CXADR: variants seen among roughly 807,000 people sequenced by gnomAD.
CXADR encodes the protein coxsackievirus and adenovirus receptor.
A neutral mutation model predicts 40.3 loss-of-function variants in CXADR; 20 were observed. That is an observed-to-expected ratio of 0.50 (90% CI 0.35 to 0.72). The LOEUF (loss-of-function observed/expected upper bound fraction) is 0.72. Among genes scored for constraint, CXADR ranks in the 30% least tolerant of loss-of-function variants. The pLI, the probability that CXADR is intolerant of heterozygous loss-of-function variation, is 0.01. For missense variants in CXADR, 332 were observed against 449.1 expected, an observed-to-expected ratio of 0.74 and a Z score of 2.36; for synonymous variants, 150 against 161.3, an observed-to-expected ratio of 0.93 and a Z score of 0.53.
the CXADR span, among the ~76,000 whole-genome samples, chr21:17,610,154 G>A: frequency 6.6e-6 from 1 of 152,138 alleles, no homozygotes; most frequent in Non-Finnish European, 1.5e-5. Flanking sequence ...ACAGATTAGT[G>A]GCCTACGGGG....
the CXADR span, among the ~76,000 whole-genome samples, chr21:17,628,911 T>C: frequency 6.6e-6 from 1 of 152,328 alleles, no homozygotes; most frequent in African/African-American, 2.4e-5. Flanking sequence ...AGGAGTCATA[T>C]CCACAGCATG....
At position 17,513,054 on chromosome 21, in the gene CXADR, C is replaced by T; in HGVS notation, c.-76C>T. 2 of 1,287,050 alleles carry T rather than the reference C, an allele frequency of 1.6e-6. No homozygotes were observed. Among genetic ancestry groups the T allele is most frequent in the Non-Finnish European group, 2.0e-6 (2 of 1,003,698 alleles). The allele number at this position is 1,287,050 out of a possible 1,614,324, so 79.7% of individuals were successfully genotyped here. On this transcript the variant is annotated 5_prime_UTR_variant, in exon 1 of 7. Transcript: ENST00000284878. Reference sequence around the variant, plus strand: ...CGCCGCCGCGAGCCAGTCGGGAGCGCGCGAGGCGCGGGGAGCCTGGGACCA... The same window carrying T: ...CGCCGCCGCGAGCCAGTCGGGAGCGTGCGAGGCGCGGGGAGCCTGGGACCA...
chr21:17,593,160 C>T (rs1329552788), exon 8 of CXADR: 1 of 1,441,280 alleles, frequency 6.9e-7, no homozygotes, highest in Non-Finnish European at 9.2e-7. Context: ...AGTTCAAGTA[C>T]CCTTACAAGA....
intron 2 of CXADR, among the ~76,000 whole-genome samples, chr21:17,547,663 G>A (rs561640427): frequency 4.6e-5 from 7 of 152,154 alleles, no homozygotes; most frequent in Non-Finnish European, 1.0e-4. Context: ...ATTAGCTATG[G>A]TGTAACAACT....
At chr21:17,590,898 C>T (rs1211111245) in intron 7 of CXADR, among the ~76,000 whole-genome samples, 1 of 151,964 alleles carries the variant, frequency 6.6e-6, no homozygotes, top group Non-Finnish European at 1.5e-5. Context: ...ATTTCTATTT[C>T]CAGCAATAAA....
chr21:17,535,219 C>T (rs1185195553), intron 1 of CXADR, among the ~76,000 whole-genome samples: 2 of 152,128 alleles, frequency 1.3e-5, no homozygotes, highest in East Asian at 1.9e-4. Context: ...CCTCAGCTTC[C>T]CAGGCTCAAG....
chr21:17,598,312 T>G (rs1388314664), downstream of CXADR, among the ~76,000 whole-genome samples: 1 of 152,110 alleles, frequency 6.6e-6, no homozygotes, highest in Non-Finnish European at 1.5e-5. Context: ...AAAAAATAAG[T>G]GGTAACTTTT....
chr21:17,527,688 C>G (rs530634318), intron 1 of CXADR, among the ~76,000 whole-genome samples: 66 of 152,328 alleles, frequency 4.3e-4, no homozygotes, highest in African/African-American at 1.4e-3. Flanking sequence ...CATGCCTTAA[C>G]TGGCATCTCT....
rs923237270 is a variant in CXADR, at chr21:17,513,052, C to G, written c.-78C>G. 12 of 1,277,862 alleles carry G rather than the reference C, an allele frequency of 9.4e-6. No individual in the cohort carries two copies. Among genetic ancestry groups the G allele is most frequent in the Non-Finnish European group, 1.1e-5 (11 of 995,724 alleles). The allele number at this position is 1,277,862 out of a possible 1,614,324, so 79.2% of individuals were successfully genotyped here. ...GCCGCCGCCGCGAGCCAGTCGGGAG[C>G]GCGCGAGGCGCGGGGAGCCTGGGAC... On this transcript the variant is annotated 5_prime_UTR_variant, in exon 1 of 7. Transcript: ENST00000284878.
chr21:17,531,119 G>A (rs1001586101), intron 1 of CXADR, among the ~76,000 whole-genome samples: 2 of 151,926 alleles, frequency 1.3e-5, no homozygotes, highest in African/African-American at 4.8e-5. Flanking sequence ...CCAGCGTGGC[G>A]AAACCCCATC....
chr21:17,533,139 A>G (rs1458892233), intron 1 of CXADR, among the ~76,000 whole-genome samples: 2 of 152,228 alleles, frequency 1.3e-5, no homozygotes, highest in Non-Finnish European at 2.9e-5. Flanking sequence ...AATTTAGTTC[A>G]ACACCCCTAA....
At chr21:17,589,507 C>T (rs1294079549) in intron 7 of CXADR, among the ~76,000 whole-genome samples, 1 of 151,936 alleles carries the variant, frequency 6.6e-6, no homozygotes, top group Admixed American at 6.6e-5. Flanking sequence ...TGTCCCATTC[C>T]CCGCCTCTGA....
At chr21:17,624,066 C>T in the CXADR span, among the ~76,000 whole-genome samples, 2 of 152,074 alleles carry the variant, frequency 1.3e-5, no homozygotes, top group Admixed American at 1.3e-4. Context: ...CTGCCCCAAA[C>T]CCCCATAGGC....
intron 2 of CXADR, 54 bp downstream of exon 2, chr21:17,547,247 G>A: frequency 6.2e-7 from 1 of 1,607,936 alleles, no homozygotes. Flanking sequence ...ACTATCTGAT[G>A]TGTCCATCAC....
rs758304211 is a variant in CXADR at position 17,593,127 on chromosome 21, G to A, written c.1018-25G>A. 11 of 1,396,090 alleles carry A rather than the reference G, an allele frequency of 7.9e-6. No individual in the cohort carries two copies. The East Asian group carries it at 1.1e-4, about 14-fold the overall frequency. 86.5% of individuals were successfully genotyped at this position (1,396,090 alleles called of 1,614,324 possible). A position where few individuals can be genotyped will look rare whatever the true frequency, so the allele number is the denominator to read the frequency against. On this transcript the variant is annotated intron_variant, in intron 7 of 7. Transcript: ENST00000400169. ...GGAGAAAAATCAAAACTCTTATAGA[G>A]ATATCTCTTTTTTTCTTTTTGTAGT...
At chr21:17,547,282 C>T in intron 2 of CXADR, 89 bp downstream of exon 2, 2 of 1,559,622 alleles carry the variant, frequency 1.3e-6, no homozygotes, top group South Asian at 1.2e-5. Context: ...GGATGGGCTG[C>T]AGGGAGCTAG....
At chr21:17,570,652 A>G (rs758606546), downstream of CXADR, among the ~76,000 whole-genome samples, 1 of 152,182 alleles carries the variant, frequency 6.6e-6, no homozygotes, top group African/African-American at 2.4e-5. Context: ...TCTGAGTGCT[A>G]TCACGTTGAG....
chr21:17,582,401 C>G (rs2061367790), intron 7 of CXADR, among the ~76,000 whole-genome samples: 1 of 152,098 alleles, frequency 6.6e-6, no homozygotes, highest in Admixed American at 6.6e-5. Context: ...TGTATTTGCC[C>G]TTTTATGGCT....
chr21:17,572,125 G>T (rs561676678), downstream of CXADR, among the ~76,000 whole-genome samples: 1 of 151,662 alleles, frequency 6.6e-6, no homozygotes, highest in Non-Finnish European at 1.5e-5. Context: ...ACTTTGGGAC[G>T]CCAAGGCAGG....
Sources: allele counts gnomAD v4.1 joint callset (sites outside exome capture counted in the v4.1 genomes callset), GRCh38; gene constraint gnomAD v4.1.1; transcripts MANE v1.5; gene names NCBI Gene and HGNC (gene_info 2026-07-23, HGNC 2026-07-21).